ARFGAP3: variants seen among roughly 807,000 people sequenced by gnomAD.
ARFGAP3 encodes the protein ADP-ribosylation factor GTPase-activating protein 3.
ARFGAP3 carries 72 observed loss-of-function variants against 75.0 expected under a neutral mutation model. The ratio of observed to expected loss-of-function variants is 0.96; its 90% CI spans 0.79 to 1.17. ARFGAP3 has a LOEUF of 1.17. ARFGAP3 is among the 50% of genes most tolerant of loss of function. The probability of loss-of-function intolerance (pLI) is 0.00; values close to 1 mark genes in which losing one functional copy is unlikely to be tolerated. For synonymous variants in ARFGAP3, 221 were observed against 217.9 expected (o/e 1.01, Z -0.13); for missense variants, 620 against 626.6 (o/e 0.99, Z 0.11).
Position 42,808,869 on chromosome 22 carries a change from T to C in ARFGAP3, c.1218A>G (p.Pro406=). The C allele has an allele frequency of 6.2e-7, 1 of 1,611,946 alleles. No individual in the cohort carries two copies. ...CTGTATTTTCAACTGGCTCATAATC[T>C]GGCTTGCGGCGAGCAGTAGGTCTGC... ...YSDRPTARRK[P]DYEPVENTDE... Residue 406 remains proline, a synonymous_variant, in exon 13 of 16, where the codon CCA becomes CCG. Coordinates refer to ENST00000263245, the MANE Select transcript of ARFGAP3 (RefSeq NM_014570.5).
intron 5 of ARFGAP3, among the ~76,000 whole-genome samples, chr22:42,832,702 T>C (rs1381939260): frequency 1.3e-5 from 2 of 152,014 alleles, no homozygotes; most frequent in Admixed American, 1.3e-4. Context: ...GGCTAAATAG[T>C]AGGCCCGGTG....
At chr22:42,810,706 G>A (rs983895146) in intron 12 of ARFGAP3, 107 bp downstream of exon 12, 11 of 930,140 alleles carry the variant, frequency 1.2e-5, no homozygotes, top group South Asian at 4.7e-5. Context: ...GGAATGAGCC[G>A]CCGTGCCCAG....
At chr22:42,802,511 T>C (rs1924914658) in intron 14 of ARFGAP3, among the ~76,000 whole-genome samples, 1 of 151,208 alleles carries the variant, frequency 6.6e-6, no homozygotes, top group Non-Finnish European at 1.5e-5. Flanking sequence ...GCCAGGATGG[T>C]CTCAATCTCC....
rs780490023 is a variant in ARFGAP3, at chr22:42,834,291, G to A, written c.428C>T (p.Ser143Phe). The A allele has an allele frequency of 4.3e-6, 7 of 1,613,726 alleles. No individual in the cohort carries two copies. The South Asian group carries it at 4.4e-5, about 10-fold the overall frequency. Residue 143 changes from serine (S) to phenylalanine (F), a missense_variant, in exon 5 of 16, where the codon TCC becomes TTC. Coordinates refer to ENST00000263245, the MANE Select transcript of ARFGAP3 (RefSeq NM_014570.5). ...AAAATCTTCCTCCTTTGGTGGAGGG[G>A]ACAAAGGTGGAACCACACAACTATC... ...WLDSCVVPPL[S>F]PPPKEEDFFA...
At chr22:42,835,272 T>C (rs1926467583) in intron 4 of ARFGAP3, 90 bp downstream of exon 4, 3 of 1,450,788 alleles carry the variant, frequency 2.1e-6, no homozygotes, top group African/African-American at 1.4e-5. Flanking sequence ...ACAACTCAGG[T>C]AGAAAAGTTT....
chr22:42,819,050 C>T (rs1925701503), intron 9 of ARFGAP3, among the ~76,000 whole-genome samples: 1 of 151,496 alleles, frequency 6.6e-6, no homozygotes, highest in East Asian at 1.9e-4. Flanking sequence ...TGACCTCAGG[C>T]GATCTGCCTG....
At chr22:42,829,113 T>C (rs117989970) in intron 6 of ARFGAP3, among the ~76,000 whole-genome samples, 1,584 of 152,332 alleles carry the variant, frequency 0.01, 10 homozygotes, top group Non-Finnish European at 0.015. Context: ...TCTTCTCTTC[T>C]CTCTGATTGA....
chr22:42,799,164 C>T lies in ARFGAP3; in HGVS notation c.1412-4G>A. 4 of 1,613,074 alleles carry T rather than the reference C, an allele frequency of 2.5e-6. No homozygotes were observed. The highest frequency in any genetic ancestry group is 1.1e-5 in the South Asian group (1 of 91,032). The stretch of plus-strand genomic sequence containing the variant: ...ACACTGGACAGGCTGTAGTTCCCTG[C>T]ACACACACAGCAGACACTGTCTCAT... On this transcript the variant is annotated splice_polypyrimidine_tract_variant and splice_region_variant and intron_variant, in intron 14 of 15. Coordinates refer to ENST00000263245, the MANE Select transcript of ARFGAP3 (RefSeq NM_014570.5).
chr22:42,822,678 G>A (rs1925864270), intron 8 of ARFGAP3, among the ~76,000 whole-genome samples: 1 of 152,126 alleles, frequency 6.6e-6, no homozygotes, highest in African/African-American at 2.4e-5. Context: ...TTTAACCCAC[G>A]TGTAGCCTCC....
chr22:42,799,299 T>A, intron 14 of ARFGAP3, 139 bp from the exon 15 acceptor site: 1 of 1,455,596 alleles, frequency 6.9e-7, no homozygotes, highest in Non-Finnish European at 9.1e-7. Flanking sequence ...AACAGTGGGA[T>A]GGAGACTCGG....
rs903430896 is a variant in ARFGAP3, at chr22:42,811,057, A to G, written c.1065-113T>C. The G allele has an allele frequency of 2.8e-5, 42 of 1,479,152 alleles. No homozygotes were observed. In the African/African-American group the frequency reaches 4.1e-4, roughly 14 times the overall value. 91.6% of individuals were successfully genotyped at this position (1,479,152 alleles called of 1,614,324 possible). A position where few individuals can be genotyped will look rare whatever the true frequency, so the allele number is the denominator to read the frequency against. On this transcript the variant is annotated intron_variant, in intron 11 of 15. Transcript: ENST00000263245. ...CCTCCTTGAAGTTAATGGCAGTCACATAACTAGGTCTAGCCAATGAGACAG... is the reference window on the plus strand; with the variant it reads ...CCTCCTTGAAGTTAATGGCAGTCACGTAACTAGGTCTAGCCAATGAGACAG...
At chr22:42,798,361 G>C (rs1001768813) in intron 15 of ARFGAP3, among the ~76,000 whole-genome samples, 3 of 152,202 alleles carry the variant, frequency 2.0e-5, no homozygotes, top group Admixed American at 1.3e-4. Context: ...GAGTCCACAC[G>C]GTTTCAGTCC....
Position 42,798,342 on chromosome 22 carries a change from G to A in ARFGAP3, c.1533+697C>T, listed in dbSNP as rs184770701. 8.7e-4 allele frequency among the ~76,000 whole-genome samples: 133 copies of A among 152,296 alleles called. 1 individual carries two copies. Among genetic ancestry groups the A allele is most frequent in the African/African-American group, 3.0e-3 (126 of 41,552 alleles). Reference sequence around the variant, plus strand: ...GCCTGGGGACCAGGAATCTCCTTTGGAGGCACCAGAGTCCACACGGTTTCA... The same window carrying A: ...GCCTGGGGACCAGGAATCTCCTTTGAAGGCACCAGAGTCCACACGGTTTCA... On this transcript the variant is annotated intron_variant, in intron 15 of 15. Transcript: ENST00000263245.
chr22:42,817,151 G>A lies in ARFGAP3; in HGVS notation c.1055C>T (p.Ser352Phe). ...ATTTGTAATACAGTACCTTGAGCTG[G>A]AAGTAAAATATGAATCGTCACTGTC... ...NDDSDDSYFT[S>F]SSSYFDEPVE... Residue 352 changes from serine (S) to phenylalanine (F), a missense_variant, in exon 11 of 16, where the codon TCC becomes TTC. Coordinates refer to ENST00000263245, the MANE Select transcript of ARFGAP3 (RefSeq NM_014570.5). 6.2e-7 allele frequency: 1 copy of A among 1,608,444 alleles called. No individual in the cohort carries two copies. The highest frequency in any genetic ancestry group is 1.1e-5 in the South Asian group (1 of 90,916).
At chr22:42,817,639 TA>T in intron 10 of ARFGAP3, 89 bp downstream of exon 10, 1 of 1,093,342 alleles carries the variant, frequency 9.1e-7, no homozygotes, top group Non-Finnish European at 1.3e-6. Context: ...AAAAAATCTC[TA>T]AAGTTGAAAC....
rs1926752305 is a variant in ARFGAP3 at position 42,840,918 on chromosome 22, A to C, written c.261+26T>G. ...ATAACAAATATTTAAACAAGAAGGAAAATGACGAGTTTGAGATGAACTTAC... is the reference window on the plus strand; with the variant it reads ...ATAACAAATATTTAAACAAGAAGGACAATGACGAGTTTGAGATGAACTTAC... On this transcript the variant is annotated intron_variant, in intron 3 of 15. Coordinates refer to ENST00000263245, the MANE Select transcript of ARFGAP3 (RefSeq NM_014570.5). The C allele has an allele frequency of 1.9e-6, 3 of 1,610,994 alleles. No individual in the cohort carries two copies. In the African/African-American group the frequency reaches 4.0e-5, roughly 22 times the overall value.
At chr22:42,838,918 A>G (rs907356223) in intron 3 of ARFGAP3, among the ~76,000 whole-genome samples, 10 of 151,656 alleles carry the variant, frequency 6.6e-5, no homozygotes, top group Admixed American at 1.3e-4. Context: ...AGACCATCCT[A>G]GCTAACATGG....
intron 12 of ARFGAP3, among the ~76,000 whole-genome samples, chr22:42,809,876 C>A (rs1329010824): frequency 2.0e-5 from 3 of 151,714 alleles, no homozygotes; most frequent in African/African-American, 7.3e-5. Flanking sequence ...TGGTGGCGGG[C>A]GCCTGTAGTC....
At chr22:42,848,483 C>T (rs1188347778) in intron 1 of ARFGAP3, among the ~76,000 whole-genome samples, 1 of 152,238 alleles carries the variant, frequency 6.6e-6, no homozygotes, top group Non-Finnish European at 1.5e-5. Context: ...GCTGGGATTA[C>T]AGGCGTGAGC....
Sources: gnomAD v4.1 joint callset for allele counts (sites outside exome capture counted in the v4.1 genomes callset) on GRCh38, gnomAD v4.1.1 for gene constraint, MANE v1.5 for transcripts, NCBI Gene and HGNC (gene_info 2026-07-23, HGNC 2026-07-21) for gene names.